SLC5A4: variants seen among roughly 807,000 people sequenced by gnomAD.
SLC5A4 encodes solute carrier family 5 member 4.
In SLC5A4, 55 loss-of-function variants were observed where a neutral mutation model predicts 70.3. The observed-to-expected ratio is 0.78, with a 90% CI of 0.63 to 0.98. The LOEUF (loss-of-function observed/expected upper bound fraction) is 0.98. Ranked by LOEUF, SLC5A4 falls within the 50% of genes least tolerant of loss-of-function variation. The pLI, the probability that SLC5A4 is intolerant of heterozygous loss-of-function variation, is 0.00. For missense variants in SLC5A4, 735 were observed against 839.2 expected, an observed-to-expected ratio of 0.88 and a Z score of 1.53; for synonymous variants, 268 against 305.7, an observed-to-expected ratio of 0.88 and a Z score of 1.29.
At chr22:32,272,580 G>A in the SLC5A4 span, 196 of 629,114 alleles carry the variant, frequency 3.1e-4, no homozygotes, top group African/African-American at 3.2e-3. Flanking sequence ...GGACTTCATG[G>A]TAGACAACAC....
chr22:32,301,224 G>A, the SLC5A4 span, among the ~76,000 whole-genome samples: 1 of 152,182 alleles, frequency 6.6e-6, no homozygotes, highest in East Asian at 1.9e-4. Flanking sequence ...GCCTCCCAAA[G>A]TGCTGGGATT....
chr22:32,279,555 C>T, the SLC5A4 span, among the ~76,000 whole-genome samples: 68 of 152,120 alleles, frequency 4.5e-4, 1 homozygote, highest in Admixed American at 4.5e-3. Context: ...CTTTGGGAGG[C>T]CGAGGTGGGC....
chr22:32,270,429 G>C, the SLC5A4 span: 1 of 1,352,624 alleles, frequency 7.4e-7, no homozygotes, highest in Non-Finnish European at 1.0e-6. Flanking sequence ...TCATCGCCCT[G>C]GTGCCTAAGG....
At chr22:32,320,687 T>C in the SLC5A4 span, among the ~76,000 whole-genome samples, 4 of 152,208 alleles carry the variant, frequency 2.6e-5, no homozygotes, top group African/African-American at 9.7e-5. Flanking sequence ...CCCTGGGCAA[T>C]TTCTGTACTT....
chr22:32,349,653 T>A, the SLC5A4 span, among the ~76,000 whole-genome samples: 3 of 152,226 alleles, frequency 2.0e-5, no homozygotes, highest in Admixed American at 1.3e-4. Flanking sequence ...CTAAAAGGCA[T>A]TAGAGCTTCT....
the SLC5A4 span, among the ~76,000 whole-genome samples, chr22:32,263,681 C>T: frequency 6.6e-6 from 1 of 152,256 alleles, no homozygotes; most frequent in African/African-American, 2.4e-5. Context: ...CTATTTGACC[C>T]AGCAATCCCA....
chr22:32,305,925 C>G, the SLC5A4 span, among the ~76,000 whole-genome samples: 2 of 151,770 alleles, frequency 1.3e-5, no homozygotes, highest in African/African-American at 4.8e-5. Flanking sequence ...TTGCCCCTGC[C>G]CCTTTAGAGG....
At chr22:32,305,163 T>C in the SLC5A4 span, among the ~76,000 whole-genome samples, 1 of 152,208 alleles carries the variant, frequency 6.6e-6, no homozygotes, top group Non-Finnish European at 1.5e-5. Context: ...TTATGTACTT[T>C]TAAAAAAATT....
the SLC5A4 span, among the ~76,000 whole-genome samples, chr22:32,280,688 A>T: frequency 5.9e-5 from 9 of 152,230 alleles, no homozygotes; most frequent in African/African-American, 2.2e-4. Flanking sequence ...ACATTACAGG[A>T]ATTCAAGAAA....
chr22:32,315,682 G>C, the SLC5A4 span, among the ~76,000 whole-genome samples: 1 of 150,150 alleles, frequency 6.7e-6, no homozygotes, highest in Non-Finnish European at 1.5e-5. Context: ...GGTGAAAACT[G>C]ACAACCCCCA....
intron 2 of SLC5A4, among the ~76,000 whole-genome samples, chr22:32,253,149 C>A (rs1401183418): frequency 2.6e-5 from 4 of 152,224 alleles, no homozygotes; most frequent in Non-Finnish European, 4.4e-5. Flanking sequence ...CCCATCTCCA[C>A]TTCCCCTCAT....
upstream of SLC5A4, among the ~76,000 whole-genome samples, chr22:32,256,339 AC>A (rs1371280319): frequency 3.3e-5 from 5 of 152,288 alleles, no homozygotes; most frequent in South Asian, 2.1e-4. Context: ...CAACAAAAAA[AC>A]AAAACCAAAA....
the SLC5A4 span, among the ~76,000 whole-genome samples, chr22:32,310,484 T>A: frequency 6.7e-6 from 1 of 148,780 alleles, no homozygotes; most frequent in African/African-American, 2.5e-5. Context: ...GCAGACAGGC[T>A]GTGCACCCCC....
At chr22:32,260,585 A>C in the SLC5A4 span, among the ~76,000 whole-genome samples, 1 of 152,096 alleles carries the variant, frequency 6.6e-6, no homozygotes, top group Non-Finnish European at 1.5e-5. Context: ...GAAAGAAACA[A>C]GCCACTCTCC....
rs144621645 is a variant in SLC5A4 at position 32,250,468 on chromosome 22, G to T, written c.312+1302C>A. The stretch of plus-strand genomic sequence containing the variant: ...CAGGAGGTCAGTGAGCCATGATCCT[G>T]CTACTGCACTCCAGCCTGGGGAACA... On this transcript the variant is annotated intron_variant, in intron 3 of 14. Transcript: ENST00000266086. Among the ~76,000 whole-genome samples, 1,018 of 152,282 alleles carry T rather than the reference G, an allele frequency of 6.7e-3. 11 individuals carry two copies. The highest frequency in any genetic ancestry group is 0.023 in the African/African-American group (969 of 41,562).
At chr22:32,314,826 A>C in the SLC5A4 span, among the ~76,000 whole-genome samples, 1 of 152,176 alleles carries the variant, frequency 6.6e-6, no homozygotes, top group Non-Finnish European at 1.5e-5. Flanking sequence ...AGGGACAGAG[A>C]GAGTGAGCGA....
intron 1 of SLC5A4, among the ~76,000 whole-genome samples, chr22:32,254,744 C>T (rs1927374313): frequency 2.0e-5 from 3 of 151,474 alleles, no homozygotes; most frequent in Admixed American, 1.3e-4. Context: ...GCGGAGCTTG[C>T]AGTGAGCCAA....
chr22:32,279,192 C>T, the SLC5A4 span, among the ~76,000 whole-genome samples: 7 of 152,232 alleles, frequency 4.6e-5, no homozygotes, highest in East Asian at 1.9e-4. Flanking sequence ...AGGAGAATGG[C>T]GTGAACCCGG....
At chr22:32,329,641 G>GGGTGTGTGTTGGGGGCTCT in the SLC5A4 span, among the ~76,000 whole-genome samples, 6 of 103,212 alleles carry the variant, frequency 5.8e-5, no homozygotes, top group African/African-American at 2.4e-4. Context: ...GAGGGCTCTG[G>GGGTGTGTGTTGGGGGCTCT]GGTGTGTGTT....
Sources: allele counts gnomAD v4.1 joint callset (sites outside exome capture counted in the v4.1 genomes callset), GRCh38; gene constraint gnomAD v4.1.1; transcripts MANE v1.5; gene names NCBI Gene and HGNC (gene_info 2026-07-23, HGNC 2026-07-21).